Variants in OXR1 observed in about 807,000 individuals in gnomAD.
OXR1 encodes oxidation resistance 1.
In OXR1, 41 loss-of-function variants were observed where a neutral mutation model predicts 104.6. The ratio of observed to expected loss-of-function variants is 0.39; its 90% CI spans 0.31 to 0.51. OXR1 has a LOEUF of 0.51. OXR1 is among the 20% of genes least tolerant of loss of function. The pLI, the probability that OXR1 is intolerant of heterozygous loss-of-function variation, is 0.77. For synonymous variants in OXR1, 348 were observed against 348.4 expected (o/e 1.00, Z 0.01); for missense variants, 955 against 1,031.9 (o/e 0.93, Z 1.02).
intron 2 of OXR1, among the ~76,000 whole-genome samples, chr8:106,420,042 G>A (rs964018498): frequency 6.6e-6 from 1 of 152,022 alleles, no homozygotes; most frequent in Non-Finnish European, 1.5e-5. Context: ...AATAACTTGT[G>A]CTCAAAAATA....
intron 1 of OXR1, among the ~76,000 whole-genome samples, chr8:106,305,205 C>T (rs1813420254): frequency 6.6e-6 from 1 of 152,078 alleles, no homozygotes; most frequent in Non-Finnish European, 1.5e-5. Flanking sequence ...GTATTTTCAT[C>T]ATTTGACTTT....
intron 11 of OXR1, among the ~76,000 whole-genome samples, chr8:106,723,828 T>C (rs964151201): frequency 6.6e-6 from 1 of 152,176 alleles, no homozygotes; most frequent in Non-Finnish European, 1.5e-5. Flanking sequence ...CTTGCTGTGT[T>C]GCCCAGGCTG....
At chr8:106,398,417 AGCT>A (rs1817869150) in intron 2 of OXR1, among the ~76,000 whole-genome samples, 1 of 152,128 alleles carries the variant, frequency 6.6e-6, no homozygotes, top group Non-Finnish European at 1.5e-5. Context: ...CAGGATTGAG[AGCT>A]GCTGCTGCAA....
rs1297134136 is a variant in OXR1, at chr8:106,683,300, T to A, written c.405T>A (p.Thr135=). 1.3e-6 allele frequency: 2 copies of A among 1,510,230 alleles called. No homozygotes were observed. The highest frequency in any genetic ancestry group is 1.8e-6 in the Non-Finnish European group (2 of 1,086,542). 93.6% of individuals were successfully genotyped at this position (1,510,230 alleles called of 1,614,324 possible). ...LNKLFSRAVV[T]GQVLYVPDPE... is the part of the protein sequence containing the mutation. ...AGTTATTCTCCCGAGCAGTTGTTACTGGACAGGTAGTATCTTTTTTTTAAT... is the reference window on the plus strand; with the variant it reads ...AGTTATTCTCCCGAGCAGTTGTTACAGGACAGGTAGTATCTTTTTTTTAAT... The change falls in exon 5 of 17, where the codon ACT becomes ACA. Residue 135 remains threonine, a synonymous_variant. Coordinates refer to ENST00000517566, the MANE Select transcript of OXR1 (RefSeq NM_001198533.2).
At chr8:106,595,274 G>A (rs944349193) in intron 3 of OXR1, among the ~76,000 whole-genome samples, 7 of 152,002 alleles carry the variant, frequency 4.6e-5, no homozygotes, top group African/African-American at 1.5e-4. Flanking sequence ...AGAACTGGCC[G>A]GGTGCGCTGG....
chr8:106,486,620 T>A (rs1369298379), intron 2 of OXR1, among the ~76,000 whole-genome samples: 1 of 152,142 alleles, frequency 6.6e-6, no homozygotes, highest in Non-Finnish European at 1.5e-5. Flanking sequence ...AATTTGTGTT[T>A]ATATGTTAAG....
chr8:106,556,163 A>G (rs1231307897), intron 3 of OXR1, among the ~76,000 whole-genome samples: 3 of 152,008 alleles, frequency 2.0e-5, no homozygotes, highest in African/African-American at 7.2e-5. Flanking sequence ...ATGAGGAGCA[A>G]CTGCTTAATG....
chr8:106,323,693 C>T (rs576244809), intron 1 of OXR1, among the ~76,000 whole-genome samples: 52 of 151,930 alleles, frequency 3.4e-4, no homozygotes, highest in Non-Finnish European at 4.7e-4. Flanking sequence ...TTAAAAAGTG[C>T]GCAAAGGACA....
In OXR1 at chr8:106,692,992, A is replaced by G. The variant is rs773981243; in HGVS notation, c.675+115A>G. ...ATGTCAGAAAATGCTTGAATATTAT[A>G]GAAAGGTACTAGTGATACTATTATT... On this transcript the variant is annotated intron_variant, in intron 7 of 16. Coordinates refer to ENST00000517566, the MANE Select transcript of OXR1 (RefSeq NM_001198533.2). 5.8e-6 allele frequency: 4 copies of G among 690,170 alleles called. No homozygotes were observed. In the African/African-American group the frequency reaches 7.3e-5, roughly 13 times the overall value. The allele number at this position is 690,170 out of a possible 1,614,324, so 42.8% of individuals were successfully genotyped here. A position where few individuals can be genotyped will look rare whatever the true frequency, so the allele number is the denominator to read the frequency against.
At chr8:106,723,211 G>A (rs1587243198) in intron 11 of OXR1, among the ~76,000 whole-genome samples, 1 of 152,092 alleles carries the variant, frequency 6.6e-6, no homozygotes, top group Non-Finnish European at 1.5e-5. Context: ...CAAAAATTAG[G>A]CCAGGTGCGG....
intron 3 of OXR1, among the ~76,000 whole-genome samples, chr8:106,582,657 C>T (rs1563621652): frequency 6.6e-6 from 1 of 152,100 alleles, no homozygotes; most frequent in Non-Finnish European, 1.5e-5. Flanking sequence ...AAACACCCAC[C>T]ACATTTTATA....
At chr8:106,651,758 C>A (rs1824593939) in intron 3 of OXR1, among the ~76,000 whole-genome samples, 2 of 151,992 alleles carry the variant, frequency 1.3e-5, no homozygotes, top group Non-Finnish European at 2.9e-5. Context: ...CCTTGCAATT[C>A]TATATGAATT....
chr8:106,496,711 G>GACTA (rs1811436958), intron 2 of OXR1, among the ~76,000 whole-genome samples: 1 of 152,222 alleles, frequency 6.6e-6, no homozygotes, highest in African/African-American at 2.4e-5. Context: ...AGCTAATGAT[G>GACTA]ACTAACACAC....
In OXR1 at chr8:106,713,989, A is replaced by G; in HGVS notation, c.1956+4A>G. 1 of 1,558,060 alleles carries G rather than the reference A, an allele frequency of 6.4e-7. No individual in the cohort carries two copies. The highest frequency in any genetic ancestry group is 8.6e-7 in the Non-Finnish European group (1 of 1,158,208). On this transcript the variant is annotated splice_donor_region_variant and intron_variant, in intron 11 of 16. Transcript: ENST00000517566. ...AGCAGCAGCCAGAGAATGGGAGGTA[A>G]GGAGAAAAATATGAAGATTTTAGTC...
chr8:106,515,250 A>G (rs535736820), intron 2 of OXR1, among the ~76,000 whole-genome samples: 2 of 152,196 alleles, frequency 1.3e-5, no homozygotes, highest in Non-Finnish European at 2.9e-5. Context: ...TGAAATATGT[A>G]TATGCTGTGC....
chr8:106,698,082 A>G (rs577417730), intron 7 of OXR1: 3 of 1,016,912 alleles, frequency 3.0e-6, no homozygotes, highest in Admixed American at 3.7e-5. Context: ...ACTCAAGGCA[A>G]TGGCTGCAGC....
rs1829553653 is a variant in OXR1, at chr8:106,693,785, T to TGA, written c.675+908_675+909insGA. 2.6e-5 allele frequency among the ~76,000 whole-genome samples: 4 copies of TGA among 152,036 alleles called. 1 individual carries two copies. The highest frequency in any genetic ancestry group is 2.6e-4 in the Admixed American group (4 of 15,254). On this transcript the variant is annotated intron_variant, in intron 7 of 16. Transcript: ENST00000517566. ...TGCTTTTCTAAGCAAAAACTTCTAA[T>TGA]CTGAAAAGAGAATATAGTAAAGTAA...
chr8:106,738,436 T>A (rs966051079), intron 12 of OXR1, among the ~76,000 whole-genome samples: 1 of 152,076 alleles, frequency 6.6e-6, no homozygotes, highest in Non-Finnish European at 1.5e-5. Flanking sequence ...GTTGCAAATA[T>A]ATGCTGCTCA....
chr8:106,397,567 T>C (rs1280734650), intron 2 of OXR1, among the ~76,000 whole-genome samples: 2 of 152,094 alleles, frequency 1.3e-5, no homozygotes, highest in African/African-American at 4.8e-5. Flanking sequence ...GATTATACTC[T>C]TGGGAATTTT....
Sources: gnomAD v4.1 joint callset for allele counts (sites outside exome capture counted in the v4.1 genomes callset) on GRCh38, gnomAD v4.1.1 for gene constraint, MANE v1.5 for transcripts, NCBI Gene and HGNC (gene_info 2026-07-23, HGNC 2026-07-21) for gene names.